Variants in DEPDC4 observed in about 807,000 individuals in gnomAD.
DEPDC4 encodes DEP domain-containing protein 4.
Under a neutral mutation model 52.0 loss-of-function variants are expected in DEPDC4, and 52 were observed. That is an observed-to-expected ratio of 1.00 (90% confidence interval 0.80 to 1.26). The LOEUF (loss-of-function observed/expected upper bound fraction) is 1.26. Among genes scored for constraint, DEPDC4 ranks in the 50% most tolerant of loss-of-function variants. The pLI is 0.00. For missense variants in DEPDC4, 530 were observed against 546.9 expected (o/e 0.97, Z 0.31); for synonymous variants, 201 against 196.8 (o/e 1.02, Z -0.18).
intron 3 of DEPDC4, among the ~76,000 whole-genome samples, chr12:100,257,331 G>T (rs946637899): frequency 1.3e-5 from 2 of 152,190 alleles, no homozygotes; most frequent in South Asian, 2.1e-4. Context: ...ACCCGCCTTG[G>T]CCTCCCAAAG....
intron 4 of DEPDC4, 67 bp downstream of exon 4, chr12:100,255,982 A>C: frequency 1.6e-6 from 2 of 1,223,446 alleles, no homozygotes; most frequent in Non-Finnish European, 2.3e-6. Context: ...CACATCCTAA[A>C]ATACTAAGGG....
chr12:100,264,188 A>G (rs918689288), intron 1 of DEPDC4, among the ~76,000 whole-genome samples: 4 of 152,206 alleles, frequency 2.6e-5, no homozygotes, highest in African/African-American at 9.6e-5. Flanking sequence ...AATCTTCAAG[A>G]ATGTTATTTT....
chr12:100,256,815 G>A (rs960308161), intron 3 of DEPDC4, among the ~76,000 whole-genome samples: 3 of 151,104 alleles, frequency 2.0e-5, no homozygotes, highest in Admixed American at 6.6e-5. Flanking sequence ...CTAATTTTTC[G>A]TGTTTTTAGT....
intron 4 of DEPDC4, 34 bp from the exon 5 acceptor site, chr12:100,253,749 G>A: frequency 4.4e-6 from 5 of 1,142,816 alleles, no homozygotes; most frequent in East Asian, 5.9e-5. Context: ...ATAAAGCAAT[G>A]GTTAACATTT....
At chr12:100,278,885 C>T in the DEPDC4 span, among the ~76,000 whole-genome samples, 1 of 152,264 alleles carries the variant, frequency 6.6e-6, no homozygotes, top group African/African-American at 2.4e-5. Context: ...ACCTCAGCCT[C>T]CCAAAGTGCT....
At chr12:100,266,493 CTAGAT>C (rs1386527610) in intron 1 of DEPDC4, among the ~76,000 whole-genome samples, 2 of 152,184 alleles carry the variant, frequency 1.3e-5, no homozygotes, top group African/African-American at 4.8e-5. Flanking sequence ...AACAAGTAGG[CTAGAT>C]TAAAGAAATA....
chr12:100,237,968 C>G (rs1214040448), downstream of DEPDC4: 4 of 541,166 alleles, frequency 7.4e-6, no homozygotes, highest in Non-Finnish European at 9.4e-6. Context: ...AAATCCCTAC[C>G]TGATTCACAC....
the DEPDC4 span, among the ~76,000 whole-genome samples, chr12:100,275,177 A>G: frequency 6.6e-6 from 1 of 152,088 alleles, no homozygotes; most frequent in Admixed American, 6.5e-5. Flanking sequence ...ATTTTCTAGT[A>G]GAAATACATA....
chr12:100,278,870 T>TGATCAAAAG, the DEPDC4 span, among the ~76,000 whole-genome samples: 1 of 152,082 alleles, frequency 6.6e-6, no homozygotes, highest in African/African-American at 2.4e-5. Flanking sequence ...CCTTGTGATC[T>TGATCAAAAG]GCCTACCTCA....
intron 1 of DEPDC4, among the ~76,000 whole-genome samples, chr12:100,264,754 A>T (rs2096265749): frequency 6.6e-6 from 1 of 152,142 alleles, no homozygotes; most frequent in East Asian, 1.9e-4. Flanking sequence ...ATATAACCCA[A>T]TTATCTAAAT....
At position 100,253,678 on chromosome 12, in the gene DEPDC4, C is replaced by T; in HGVS notation, c.916G>A (p.Glu306Lys). 7.8e-7 allele frequency: 1 copy of T among 1,289,838 alleles called. No individual in the cohort carries two copies. The highest frequency in any genetic ancestry group is 1.0e-6 in the Non-Finnish European group (1 of 988,956). 79.9% of individuals were successfully genotyped at this position (1,289,838 alleles called of 1,614,324 possible). ...ACTATTAACTGGTCAGGGAAATACT[C>T]CAAGCATTCAATTGCTGCATTAAGC... is the stretch of plus-strand genomic sequence containing the variant. Reference protein sequence around the residue: ...NWLNAAIECLEYFPDQLIVTV... With the variant: ...NWLNAAIECLKYFPDQLIVTV... Residue 306 changes from glutamate (E) to lysine (K), a missense_variant, in exon 5 of 10, where the codon GAG (glutamate) becomes AAG (lysine). Glu to Lys is a moderately conservative substitution (Grantham distance 56, BLOSUM62 1). Transcript: ENST00000550587.
At chr12:100,256,648 T>G (rs1050742575) in intron 3 of DEPDC4, among the ~76,000 whole-genome samples, 7 of 150,970 alleles carry the variant, frequency 4.6e-5, no homozygotes, top group Non-Finnish European at 1.5e-5. Context: ...GTTTTTTGTT[T>G]TTTTTTTTTT....
At chr12:100,253,808 T>A in intron 4 of DEPDC4, 93 bp from the exon 5 acceptor site, 2 of 617,502 alleles carry the variant, frequency 3.2e-6, no homozygotes, top group Non-Finnish European at 4.8e-6. Flanking sequence ...ATCTGGCTTA[T>A]TTAAGCTAGA....
At chr12:100,249,390 T>G (rs2096198901) in intron 7 of DEPDC4, among the ~76,000 whole-genome samples, 1 of 152,214 alleles carries the variant, frequency 6.6e-6, no homozygotes. Flanking sequence ...GGCTCACACC[T>G]GTAATCCCAG....
chr12:100,260,392 A>G (rs1163112193), intron 3 of DEPDC4, among the ~76,000 whole-genome samples: 1 of 151,402 alleles, frequency 6.6e-6, no homozygotes, highest in Admixed American at 6.6e-5. Context: ...AAGTGCTGGG[A>G]TTACAGGCGT....
chr12:100,273,501 A>T, the DEPDC4 span, among the ~76,000 whole-genome samples: 1 of 152,164 alleles, frequency 6.6e-6, no homozygotes, highest in Non-Finnish European at 1.5e-5. Context: ...ATGGTATCAG[A>T]TACATAGTGG....
intron 4 of DEPDC4, among the ~76,000 whole-genome samples, chr12:100,255,413 T>C (rs1051793555): frequency 2.6e-5 from 4 of 152,184 alleles, no homozygotes; most frequent in African/African-American, 7.2e-5. Flanking sequence ...GATCTGAAGT[T>C]TTCTGTTCCT....
chr12:100,277,715 A>G, the DEPDC4 span, among the ~76,000 whole-genome samples: 31 of 152,284 alleles, frequency 2.0e-4, no homozygotes, highest in African/African-American at 7.2e-4. Flanking sequence ...ATTTATTGAT[A>G]TGGTTGGATT....
the DEPDC4 span, among the ~76,000 whole-genome samples, chr12:100,281,700 A>G: frequency 3.9e-5 from 6 of 151,938 alleles, no homozygotes; most frequent in African/African-American, 1.2e-4. Context: ...CGGGCGTGGT[A>G]GCGGGCGCCT....
Sources: allele counts gnomAD v4.1 joint callset (sites outside exome capture counted in the v4.1 genomes callset), GRCh38; gene constraint gnomAD v4.1.1; transcripts MANE v1.5; gene names NCBI Gene and HGNC (gene_info 2026-07-23, HGNC 2026-07-21).